ST3GAL5: variants seen among roughly 807,000 people sequenced by gnomAD.
ST3GAL5 encodes ST3 beta-galactoside alpha-2,3-sialyltransferase 5, also known as lactosylceramide alpha-2,3-sialyltransferase.
ST3GAL5 carries 25 observed loss-of-function variants against 46.1 expected under a neutral mutation model. That is an observed-to-expected ratio of 0.54 (90% CI 0.40 to 0.76). ST3GAL5 has a LOEUF of 0.76. Among genes scored for constraint, ST3GAL5 ranks in the 30% least tolerant of loss-of-function variants. The pLI, the probability that ST3GAL5 is intolerant of heterozygous loss-of-function variation, is 0.00. For missense variants in ST3GAL5, 431 were observed against 521.2 expected, an observed-to-expected ratio of 0.83 and a Z score of 1.69; for synonymous variants, 182 against 192.7, an observed-to-expected ratio of 0.94 and a Z score of 0.46.
At chr2:85,864,592 AAAAG>A (rs1328839791) in intron 1 of ST3GAL5, among the ~76,000 whole-genome samples, 8 of 137,632 alleles carry the variant, frequency 5.8e-5, no homozygotes, top group Admixed American at 2.1e-4. Flanking sequence ...TCAAAAAAAA[AAAAG>A]AAAAAGAGAG....
At chr2:85,864,593 AAAG>A (rs1289393938) in intron 1 of ST3GAL5, among the ~76,000 whole-genome samples, 1 of 137,766 alleles carries the variant, frequency 7.3e-6, no homozygotes, top group Non-Finnish European at 1.6e-5. Context: ...CAAAAAAAAA[AAAG>A]AAAAAGAGAG....
chr2:85,884,893 C>G (rs1382254445), intron 1 of ST3GAL5, among the ~76,000 whole-genome samples: 2 of 152,164 alleles, frequency 1.3e-5, no homozygotes, highest in East Asian at 3.8e-4. Context: ...AAGTACTATT[C>G]CACCAAAGCA....
rs374829304 is a variant in ST3GAL5 at position 85,863,329 on chromosome 2, A to C, written c.206+33T>G. The C allele has an allele frequency of 2.1e-4, 345 of 1,613,364 alleles. 2 individuals are homozygous for C. In the African/African-American group the frequency reaches 4.3e-3, roughly 20 times the overall value. On this transcript the variant is annotated intron_variant, in intron 2 of 6. Coordinates refer to ENST00000638572, the MANE Select transcript of ST3GAL5 (RefSeq NM_003896.4). ...TAGTTCTACACAGTTGACCCAAAGC[A>C]GGGGGATCTACAGTCCCAGGGGCGG... is the stretch of plus-strand genomic sequence containing the variant.
chr2:85,858,592 C>T lies in ST3GAL5; in HGVS notation c.318+2589G>A, dbSNP rs150375087. 6.3e-3 allele frequency among the ~76,000 whole-genome samples: 961 copies of T among 152,266 alleles called. 12 individuals are homozygous for T. The highest frequency in any genetic ancestry group is 0.022 in the African/African-American group (914 of 41,554). On this transcript the variant is annotated intron_variant, in intron 3 of 6. Coordinates refer to ENST00000638572, the MANE Select transcript of ST3GAL5 (RefSeq NM_003896.4). Reference sequence around the variant, plus strand: ...CCAAGGTGCTGGGATTACAGGTGTGCGCCATCACACCCGGTCAGACCCCTG... The same window carrying T: ...CCAAGGTGCTGGGATTACAGGTGTGTGCCATCACACCCGGTCAGACCCCTG...
Position 85,839,646 on chromosome 2 carries a change from C to T in ST3GAL5, c.*498G>A, listed in dbSNP as rs1411729071. On this transcript the variant is annotated 3_prime_UTR_variant, in exon 7 of 7. Transcript: ENST00000638572. ...TCTCCAACCAGCCCAGGCCTCACGC[C>T]GCTGCATCGCAGACCCAGTATCAGC... 1.3e-5 allele frequency: 3 copies of T among 224,824 alleles called. No homozygotes were observed. Among genetic ancestry groups the T allele is most frequent in the Non-Finnish European group, 2.7e-5 (3 of 111,740 alleles). 13.9% of individuals were successfully genotyped at this position (224,824 alleles called of 1,614,324 possible). A position where few individuals can be genotyped will look rare whatever the true frequency, so the allele number is the denominator to read the frequency against.
chr2:85,863,107 G>C (rs909482197), intron 2 of ST3GAL5, among the ~76,000 whole-genome samples: 1 of 152,196 alleles, frequency 6.6e-6, no homozygotes, highest in Non-Finnish European at 1.5e-5. Flanking sequence ...TGCTCTCCCA[G>C]GCATCCAGGC....
At chr2:85,877,408 A>T (rs1558703097) in intron 1 of ST3GAL5, among the ~76,000 whole-genome samples, 2 of 152,218 alleles carry the variant, frequency 1.3e-5, no homozygotes, top group Non-Finnish European at 2.9e-5. Context: ...CATTTTTGAA[A>T]AGTACAGCCA....
At chr2:85,884,030 GA>G (rs1312361093) in intron 1 of ST3GAL5, among the ~76,000 whole-genome samples, 1 of 152,156 alleles carries the variant, frequency 6.6e-6, no homozygotes, top group East Asian at 1.9e-4. Flanking sequence ...AGACCACAAA[GA>G]CATGGATACG....
At position 85,838,791 on chromosome 2, in the gene ST3GAL5, GA is replaced by G; in HGVS notation, c.*1352del. On this transcript the variant is annotated 3_prime_UTR_variant, in exon 7 of 7. Coordinates refer to ENST00000638572, the MANE Select transcript of ST3GAL5 (RefSeq NM_003896.4). ...CAAGCAGTTGCAGGAAGGGAAAGTG[GA>G]GGCAGGTAGCATTAGTGACAAGAGC... 6.6e-6 allele frequency: 1 copy of G among 152,618 alleles called. No individual in the cohort carries two copies. The highest frequency in any genetic ancestry group is 2.1e-4 in the South Asian group (1 of 4,826). The allele number at this position is 152,618 out of a possible 1,614,324, so 9.5% of individuals were successfully genotyped here. A position where few individuals can be genotyped will look rare whatever the true frequency, so the allele number is the denominator to read the frequency against.
intron 3 of ST3GAL5, among the ~76,000 whole-genome samples, chr2:85,859,929 C>A (rs955351549): frequency 6.6e-6 from 1 of 152,134 alleles, no homozygotes; most frequent in African/African-American, 2.4e-5. Flanking sequence ...CACCATGCTG[C>A]TTTTAACTTT....
intron 3 of ST3GAL5, chr2:85,848,727 C>T (rs996218584): frequency 5.6e-5 from 10 of 177,710 alleles, no homozygotes; most frequent in South Asian, 2.5e-4. Flanking sequence ...ATAGGTACAG[C>T]GTTTCGGTTT....
At chr2:85,876,838 T>C (rs1686634000) in intron 1 of ST3GAL5, among the ~76,000 whole-genome samples, 1 of 152,106 alleles carries the variant, frequency 6.6e-6, no homozygotes, top group Admixed American at 6.5e-5. Context: ...GTGACTTCTA[T>C]AATGACCACG....
At chr2:85,852,998 G>A in intron 3 of ST3GAL5, 3 of 1,304,246 alleles carry the variant, frequency 2.3e-6, no homozygotes, top group Non-Finnish European at 3.0e-6. Context: ...GCACGGTGTA[G>A]GTCTGCAGAG....
intron 1 of ST3GAL5, among the ~76,000 whole-genome samples, chr2:85,873,957 C>CCAG (rs1442576181): frequency 6.6e-6 from 1 of 152,180 alleles, no homozygotes; most frequent in South Asian, 2.1e-4. Flanking sequence ...ATCCTGCCCA[C>CCAG]CAGCAAGTTT....
At chr2:85,843,399 G>A (rs896481845) in intron 6 of ST3GAL5, among the ~76,000 whole-genome samples, 2 of 152,164 alleles carry the variant, frequency 1.3e-5, no homozygotes, top group African/African-American at 4.8e-5. Context: ...GCCAAACAAG[G>A]ACATTATCAA....
At chr2:85,851,683 C>T (rs763253084) in intron 3 of ST3GAL5, 18 of 1,289,244 alleles carry the variant, frequency 1.4e-5, no homozygotes, top group African/African-American at 7.6e-5. Context: ...TGCCTCAAGG[C>T]GAGTGCCGCA....
intron 1 of ST3GAL5, among the ~76,000 whole-genome samples, chr2:85,886,123 A>C (rs536466543): frequency 1.3e-5 from 2 of 152,304 alleles, no homozygotes; most frequent in Admixed American, 1.3e-4. Flanking sequence ...CTCAATGCTT[A>C]AGGAAAGAAG....
At chr2:85,863,510 G>A in intron 1 of ST3GAL5, 25 bp from the exon 2 acceptor site, 3 of 1,613,840 alleles carry the variant, frequency 1.9e-6, no homozygotes, top group African/African-American at 2.7e-5. Context: ...GAAGAGGGCA[G>A]TGGGGAAAAA....
chr2:85,856,579 T>C (rs1275505740), intron 3 of ST3GAL5: 1 of 152,084 alleles, frequency 6.6e-6, no homozygotes, highest in Non-Finnish European at 1.5e-5. Context: ...TATCCCTTTT[T>C]TTTTTCTCAG....
Sources: gnomAD v4.1 joint callset for allele counts (sites outside exome capture counted in the v4.1 genomes callset) on GRCh38, gnomAD v4.1.1 for gene constraint, MANE v1.5 for transcripts, NCBI Gene and HGNC (gene_info 2026-07-23, HGNC 2026-07-21) for gene names.